ZNF804B: variants seen among roughly 807,000 people sequenced by gnomAD.
The protein encoded by ZNF804B is zinc finger protein 804B, also known as zinc finger 804B.
ZNF804B carries 80 observed loss-of-function variants against 101.4 expected under a neutral mutation model. The ratio of observed to expected loss-of-function variants is 0.79; its 90% CI spans 0.66 to 0.95. The LOEUF (loss-of-function observed/expected upper bound fraction) is 0.95, where lower values mean the gene tolerates loss of function less well. ZNF804B is among the 40% of genes least tolerant of loss of function. The probability of loss-of-function intolerance (pLI) is 0.00; values close to 1 mark genes in which losing one functional copy is unlikely to be tolerated. For synonymous variants in ZNF804B, 622 were observed against 558.8 expected, an observed-to-expected ratio of 1.11 and a Z score of -1.59; for missense variants, 1,673 against 1,561.9, an observed-to-expected ratio of 1.07 and a Z score of -1.20.
At chr7:89,035,180 A>G (rs138833575) in intron 1 of ZNF804B, among the ~76,000 whole-genome samples, 39 of 152,228 alleles carry the variant, frequency 2.6e-4, no homozygotes, top group African/African-American at 9.1e-4. Flanking sequence ...ATTAGACAAT[A>G]TTTTGAAAAG....
Position 89,337,124 on chromosome 7 carries a change from A to T in ZNF804B, c.*92A>T, listed in dbSNP as rs543726964. The T allele has an allele frequency of 8.0e-7, 1 of 1,253,510 alleles. No individual in the cohort carries two copies. The highest frequency in any genetic ancestry group is 1.5e-5 in the African/African-American group (1 of 65,670). The allele number at this position is 1,253,510 out of a possible 1,614,324, so 77.6% of individuals were successfully genotyped here. ...AAGAAGTCTGTCAATTATAAGATTT[A>T]AAATATTGCTGCCAATTCAAAATGT... On this transcript the variant is annotated 3_prime_UTR_variant, in exon 4 of 4. Coordinates refer to ENST00000333190, the MANE Select transcript of ZNF804B (RefSeq NM_181646.5).
At position 88,759,847 on chromosome 7, in the gene ZNF804B, T is replaced by TC. The variant is rs1007198177; in HGVS notation, c.-125dup. On this transcript the variant is annotated 5_prime_UTR_variant, in exon 1 of 4. It introduces an in-frame stop codon into an upstream open reading frame of the 5' UTR. Coordinates refer to ENST00000333190, the MANE Select transcript of ZNF804B (RefSeq NM_181646.5). Reference sequence around the variant, plus strand: ...GGAGCAGGGACGCGCTGCCACCGCCTCCCCCTGCGTCCTGCTGGCCGCGTC... The same window carrying TC: ...GGAGCAGGGACGCGCTGCCACCGCCTCCCCCCTGCGTCCTGCTGGCCGCGTC... The TC allele has an allele frequency of 1.9e-4, 132 of 697,632 alleles. 1 individual carries two copies. The African/African-American group carries it at 2.1e-3, about 11-fold the overall frequency. 43.2% of individuals were successfully genotyped at this position (697,632 alleles called of 1,614,324 possible). A position where few individuals can be genotyped will look rare whatever the true frequency, so the allele number is the denominator to read the frequency against.
intron 1 of ZNF804B, among the ~76,000 whole-genome samples, chr7:89,054,602 T>A (rs1292234304): frequency 1.3e-5 from 2 of 151,752 alleles, no homozygotes; most frequent in African/African-American, 2.4e-5. Flanking sequence ...CTGAGTAAGC[T>A]TTTTTTTCAT....
chr7:89,144,850 G>A (rs7793283), intron 1 of ZNF804B, among the ~76,000 whole-genome samples: 78,396 of 151,554 alleles, frequency 0.52, 20,772 homozygotes, highest in East Asian at 0.64. Flanking sequence ...ATTTAGGCTG[G>A]GTGCCTATAA....
intron 1 of ZNF804B, among the ~76,000 whole-genome samples, chr7:88,833,327 ATTACT>A (rs1791160761): frequency 6.6e-6 from 1 of 151,962 alleles, no homozygotes; most frequent in African/African-American, 2.4e-5. Context: ...ATTTGAGGAA[ATTACT>A]TAACTTTTCT....
intron 1 of ZNF804B, among the ~76,000 whole-genome samples, chr7:88,930,860 C>T (rs1010376361): frequency 1.3e-5 from 2 of 151,878 alleles, no homozygotes; most frequent in African/African-American, 4.8e-5. Flanking sequence ...TATGATAATA[C>T]TGCAAGTACT....
intron 1 of ZNF804B, among the ~76,000 whole-genome samples, chr7:89,047,147 C>A (rs974357131): frequency 5.3e-5 from 8 of 152,068 alleles, no homozygotes; most frequent in Non-Finnish European, 1.0e-4. Context: ...TGCTGACAAG[C>A]ATTAACATCT....
At chr7:88,971,002 TAAATA>T (rs1406484026) in intron 1 of ZNF804B, among the ~76,000 whole-genome samples, 7 of 147,294 alleles carry the variant, frequency 4.8e-5, no homozygotes, top group South Asian at 2.2e-4. Context: ...CAAAAAAAAA[TAAATA>T]AAATAAAGAA....
intron 1 of ZNF804B, among the ~76,000 whole-genome samples, chr7:88,785,946 C>T (rs1410157937): frequency 1.3e-5 from 2 of 152,032 alleles, no homozygotes; most frequent in African/African-American, 2.4e-5. Context: ...CTTGTATATC[C>T]AGGATGACAA....
At chr7:89,015,798 C>A (rs1473952355) in intron 1 of ZNF804B, among the ~76,000 whole-genome samples, 1 of 152,200 alleles carries the variant, frequency 6.6e-6, no homozygotes, top group South Asian at 2.1e-4. Context: ...AATAAACATA[C>A]GTGTGCATGT....
intron 1 of ZNF804B, among the ~76,000 whole-genome samples, chr7:88,915,301 G>A (rs1282783097): frequency 1.3e-5 from 2 of 151,980 alleles, no homozygotes; most frequent in African/African-American, 4.8e-5. Flanking sequence ...ATGTTGGCTT[G>A]TGAATTCTAA....
At chr7:89,067,505 C>T (rs1352734481) in intron 1 of ZNF804B, among the ~76,000 whole-genome samples, 1 of 152,164 alleles carries the variant, frequency 6.6e-6, no homozygotes, top group African/African-American at 2.4e-5. Context: ...AATGATTGCT[C>T]TTCCCTTTCA....
chr7:89,018,986 A>C (rs1485555532), intron 1 of ZNF804B, among the ~76,000 whole-genome samples: 1 of 151,760 alleles, frequency 6.6e-6, no homozygotes. Flanking sequence ...AGTTTTGTTT[A>C]GTTCTTTTCT....
intron 2 of ZNF804B, among the ~76,000 whole-genome samples, chr7:89,288,270 C>T (rs1790236952): frequency 6.6e-6 from 1 of 151,770 alleles, no homozygotes; most frequent in Non-Finnish European, 1.5e-5. Flanking sequence ...GTGGGTAGAA[C>T]ACAGTCAGAA....
intron 1 of ZNF804B, among the ~76,000 whole-genome samples, chr7:88,853,543 C>G (rs1295133031): frequency 6.6e-6 from 1 of 152,084 alleles, no homozygotes; most frequent in African/African-American, 2.4e-5. Flanking sequence ...TTTTCACATT[C>G]TATTCCAAGA....
rs185297443 is a variant in ZNF804B, at chr7:88,778,466, A to G, written c.108+18382A>G. Among the ~76,000 whole-genome samples the G allele has an allele frequency of 5.6e-4, 86 of 152,288 alleles. 1 individual carries two copies. Among genetic ancestry groups the G allele is most frequent in the Non-Finnish European group, 4.0e-4 (27 of 68,016 alleles). On this transcript the variant is annotated intron_variant, in intron 1 of 3. Transcript: ENST00000333190. ...TATGAAGATCATTATTCTGCTTACTATATCTCAGAATTTTAGACTCCTATA... is the reference window on the plus strand; with the variant it reads ...TATGAAGATCATTATTCTGCTTACTGTATCTCAGAATTTTAGACTCCTATA...
At chr7:89,247,529 A>G (rs1789468560) in intron 2 of ZNF804B, among the ~76,000 whole-genome samples, 1 of 152,192 alleles carries the variant, frequency 6.6e-6, no homozygotes, top group Non-Finnish European at 1.5e-5. Flanking sequence ...GTCTACAATC[A>G]CATAACCAGG....
chr7:89,188,135 A>G (rs1025544065), intron 1 of ZNF804B, among the ~76,000 whole-genome samples: 1 of 151,692 alleles, frequency 6.6e-6, no homozygotes, highest in Non-Finnish European at 1.5e-5. Context: ...TACATGTGCC[A>G]TTCTCCCGAC....
chr7:88,835,639 T>C (rs1254143284), intron 1 of ZNF804B, among the ~76,000 whole-genome samples: 3 of 151,860 alleles, frequency 2.0e-5, no homozygotes, highest in Non-Finnish European at 1.5e-5. Context: ...TTTGCAATGG[T>C]GTAGTTATGA....
Sources: gnomAD v4.1 joint callset for allele counts (sites outside exome capture counted in the v4.1 genomes callset) on GRCh38, gnomAD v4.1.1 for gene constraint, MANE v1.5 for transcripts, NCBI Gene and HGNC (gene_info 2026-07-23, HGNC 2026-07-21) for gene names.